Variants in GDPD4 observed in about 807,000 individuals in gnomAD.
GDPD4 encodes glycerophosphodiester phosphodiesterase domain containing 4.
A neutral mutation model predicts 67.8 loss-of-function variants in GDPD4; 60 were observed. The ratio of observed to expected loss-of-function variants is 0.88; its 90% CI spans 0.72 to 1.10. The LOEUF (loss-of-function observed/expected upper bound fraction) is 1.10, where lower values mean the gene tolerates loss of function less well. GDPD4 is among the 50% of genes least tolerant of loss of function. GDPD4 has a pLI of 0.00. For synonymous variants in GDPD4, 212 were observed against 210.9 expected, an observed-to-expected ratio of 1.00 and a Z score of -0.04; for missense variants, 623 against 613.9, an observed-to-expected ratio of 1.01 and a Z score of -0.16.
intron 11 of GDPD4, among the ~76,000 whole-genome samples, chr11:77,249,144 T>C (rs1417343372): frequency 1.3e-5 from 2 of 150,444 alleles, no homozygotes; most frequent in African/African-American, 4.9e-5. Context: ...TGTGTGCCTG[T>C]AGTCCCAGCT....
chr11:77,270,177 AGAG>A (rs1959202428), intron 7 of GDPD4, among the ~76,000 whole-genome samples: 2 of 152,210 alleles, frequency 1.3e-5, no homozygotes, highest in South Asian at 4.1e-4. Flanking sequence ...GGAGACCCAG[AGAG>A]AAGAAGGTCC....
At chr11:77,293,984 G>A (rs1937865818) in intron 1 of GDPD4, among the ~76,000 whole-genome samples, 1 of 152,148 alleles carries the variant, frequency 6.6e-6, no homozygotes, top group African/African-American at 2.4e-5. Flanking sequence ...TATTATCTAT[G>A]TAGAAAATCT....
intron 5 of GDPD4, among the ~76,000 whole-genome samples, chr11:77,275,461 T>C (rs2135877965): frequency 6.6e-6 from 1 of 152,310 alleles, no homozygotes; most frequent in South Asian, 2.1e-4. Flanking sequence ...TTCAGGGGGC[T>C]ACAGGAAGAC....
intron 4 of GDPD4, among the ~76,000 whole-genome samples, chr11:77,276,662 T>C (rs1032894623): frequency 3.3e-5 from 5 of 152,314 alleles, no homozygotes; most frequent in African/African-American, 1.2e-4. Flanking sequence ...AGGGCTGTTG[T>C]TACAATTGTC....
chr11:77,279,978 G>A (rs191193011), intron 3 of GDPD4, among the ~76,000 whole-genome samples: 35 of 152,196 alleles, frequency 2.3e-4, no homozygotes, highest in South Asian at 2.3e-3. Context: ...CCTCCTCTCC[G>A]TACAAAACCT....
At chr11:77,277,217 C>T (rs1030309961) in intron 4 of GDPD4, among the ~76,000 whole-genome samples, 4 of 150,200 alleles carry the variant, frequency 2.7e-5, no homozygotes, top group African/African-American at 9.9e-5. Flanking sequence ...TCTACATTTT[C>T]CCCATGTAAA....
chr11:77,227,844 G>T lies in GDPD4; in HGVS notation c.1525+20C>A. 1 of 1,596,110 alleles carries T rather than the reference G, an allele frequency of 6.3e-7. No homozygotes were observed. The highest frequency in any genetic ancestry group is 8.6e-7 in the Non-Finnish European group (1 of 1,163,998). ...GGGTAGGGATGAAGAGACAGGAGTGGGCTAGGCCTCTGACTTTACCTGTGC... is the reference window on the plus strand; with the variant it reads ...GGGTAGGGATGAAGAGACAGGAGTGTGCTAGGCCTCTGACTTTACCTGTGC... On this transcript the variant is annotated intron_variant, in intron 16 of 16. Transcript: ENST00000315938.
chr11:77,220,137 A>G (rs904415470), intron 16 of GDPD4, among the ~76,000 whole-genome samples: 5 of 152,208 alleles, frequency 3.3e-5, no homozygotes, highest in African/African-American at 7.2e-5. Flanking sequence ...TAAATATACA[A>G]TCATGTCATC....
At chr11:77,264,500 A>T (rs998570658) in intron 10 of GDPD4, among the ~76,000 whole-genome samples, 1 of 152,186 alleles carries the variant, frequency 6.6e-6, no homozygotes, top group Non-Finnish European at 1.5e-5. Context: ...ACAGCCAGGT[A>T]GGAAGAAAAT....
chr11:77,238,308 G>T (rs1361561387), intron 13 of GDPD4, among the ~76,000 whole-genome samples: 2 of 152,150 alleles, frequency 1.3e-5, no homozygotes, highest in East Asian at 3.9e-4. Context: ...GTTAGGCTGG[G>T]CGTGGTGGCT....
At chr11:77,263,614 T>C (rs930746386) in intron 10 of GDPD4, among the ~76,000 whole-genome samples, 11 of 152,138 alleles carry the variant, frequency 7.2e-5, no homozygotes, top group Non-Finnish European at 1.6e-4. Context: ...AATACTATTT[T>C]AATACAATAT....
In GDPD4 at chr11:77,301,601, T is replaced by C. The variant is rs1226531456; in HGVS notation, c.-254+4A>G. On this transcript the variant is annotated splice_donor_region_variant and intron_variant, in intron 1 of 16. Transcript: ENST00000315938. ...GAAGCACGGAACTGGGCACATTTAC[T>C]TACCGAGACTTCCCAGTCCCAACCC... 2 of 152,180 alleles carry C rather than the reference T, an allele frequency of 1.3e-5. No individual in the cohort carries two copies. The highest frequency in any genetic ancestry group is 2.9e-5 in the Non-Finnish European group (2 of 68,060). The allele number at this position is 152,180 out of a possible 1,614,324, so 9.4% of individuals were successfully genotyped here.
chr11:77,269,865 TCA>T lies in GDPD4; in HGVS notation c.478+16_478+17del, dbSNP rs1237318688. 7.0e-7 allele frequency: 1 copy of T among 1,423,524 alleles called. No individual in the cohort carries two copies. The highest frequency in any genetic ancestry group is 2.3e-5 in the East Asian group (1 of 44,010). The allele number at this position is 1,423,524 out of a possible 1,614,324, so 88.2% of individuals were successfully genotyped here. ...CCTTTGCTTTAGTGACTTTCAAATC[TCA>T]GTCTCCAGCTCTAACCTCTTAACCT... On this transcript the variant is annotated intron_variant, in intron 8 of 16. Transcript: ENST00000315938.
At chr11:77,225,620 A>G (rs1359053549) in intron 16 of GDPD4, among the ~76,000 whole-genome samples, 1 of 152,182 alleles carries the variant, frequency 6.6e-6, no homozygotes, top group Non-Finnish European at 1.5e-5. Flanking sequence ...TTACAAACAG[A>G]AGAACAGGGG....
chr11:77,261,230 G>A lies in GDPD4; in HGVS notation c.708-2688C>T, dbSNP rs74382550. Among the ~76,000 whole-genome samples, 1,609 of 151,916 alleles carry A rather than the reference G, an allele frequency of 0.011. 84 individuals carry two copies. In the East Asian group the frequency reaches 0.15, roughly 14 times the overall value. ...CTTCCACGTTAACTGAAGATGCTTT[G>A]GGCCTAACATCTTTTTTTTTTTTTG... On this transcript the variant is annotated intron_variant, in intron 10 of 16. Coordinates refer to ENST00000315938, the MANE Select transcript of GDPD4 (RefSeq NM_182833.3).
Position 77,272,212 on chromosome 11 carries a change from C to T in GDPD4, c.208-819G>A, listed in dbSNP as rs189511585. On this transcript the variant is annotated intron_variant, in intron 5 of 16. Transcript: ENST00000315938. ...AGAAATATTTCCAATCTTTAACAAA[C>T]TCTTTCAGAGAATAGAAAAAGAGAG... Among the ~76,000 whole-genome samples, 201 of 152,286 alleles carry T rather than the reference C, an allele frequency of 1.3e-3. 2 individuals carry two copies. The highest frequency in any genetic ancestry group is 4.4e-5 in the Non-Finnish European group (3 of 68,022).
intron 1 of GDPD4, among the ~76,000 whole-genome samples, chr11:77,288,386 T>C (rs990559271): frequency 6.6e-6 from 1 of 151,874 alleles, no homozygotes; most frequent in Non-Finnish European, 1.5e-5. Flanking sequence ...CTGTGTACAC[T>C]GGCCAGGGGT....
chr11:77,226,576 T>G (rs1272165294), intron 16 of GDPD4, among the ~76,000 whole-genome samples: 1 of 152,210 alleles, frequency 6.6e-6, no homozygotes. Flanking sequence ...CCTCCAGAAC[T>G]GTGAGAAAAT....
chr11:77,227,460 T>C (rs1958364776), intron 16 of GDPD4, among the ~76,000 whole-genome samples: 1 of 152,200 alleles, frequency 6.6e-6, no homozygotes, highest in African/African-American at 2.4e-5. Flanking sequence ...TGCTATACTT[T>C]TGCCTTCTTC....
Sources: allele counts gnomAD v4.1 joint callset (sites outside exome capture counted in the v4.1 genomes callset), GRCh38; gene constraint gnomAD v4.1.1; transcripts MANE v1.5; gene names NCBI Gene and HGNC (gene_info 2026-07-23, HGNC 2026-07-21).